Variants in HCN1 observed in about 807,000 individuals in gnomAD.
HCN1 encodes hyperpolarization activated cyclic nucleotide gated potassium channel 1.
In HCN1, 13 loss-of-function variants were observed where a neutral mutation model predicts 78.9. The ratio of observed to expected loss-of-function variants is 0.16; its 90% confidence interval spans 0.11 to 0.26. The LOEUF (loss-of-function observed/expected upper bound fraction) is 0.26, where lower values mean the gene tolerates loss of function less well. Among genes scored for constraint, HCN1 ranks in the 10% least tolerant of loss-of-function variants. HCN1 has a pLI of 1.00. For missense variants in HCN1, 810 were observed against 1,154.3 expected (o/e 0.70, Z 4.32); for synonymous variants, 552 against 455.5 (o/e 1.21, Z -2.70).
At chr5:45,693,575 A>G (rs1031145146) in intron 1 of HCN1, among the ~76,000 whole-genome samples, 14 of 152,260 alleles carry the variant, frequency 9.2e-5, no homozygotes, top group African/African-American at 3.1e-4. Flanking sequence ...CCTGATTTCA[A>G]TTTGTTCCTT....
Position 45,400,728 on chromosome 5 carries a change from A to T in HCN1, c.1012-4018T>A, listed in dbSNP as rs934767938. On this transcript the variant is annotated intron_variant, in intron 3 of 7. Coordinates refer to ENST00000303230, the MANE Select transcript of HCN1 (RefSeq NM_021072.4). ...AGCCTAAGAATGCTTTCTTATTTTT[A>T]AAATCATTAGCAACTTTTCTATTTT... is the stretch of plus-strand genomic sequence containing the variant. Among the ~76,000 whole-genome samples, 3 of 152,060 alleles carry T rather than the reference A, an allele frequency of 2.0e-5. No homozygotes were observed. In the East Asian group the frequency reaches 5.8e-4, roughly 29 times the overall value.
chr5:45,411,883 A>C (rs1361576142), intron 3 of HCN1, among the ~76,000 whole-genome samples: 1 of 152,090 alleles, frequency 6.6e-6, no homozygotes, highest in Non-Finnish European at 1.5e-5. Context: ...CAATTTTTGA[A>C]GGGAGCACAC....
chr5:45,646,668 A>G (rs1745556500), intron 1 of HCN1, among the ~76,000 whole-genome samples: 1 of 152,190 alleles, frequency 6.6e-6, no homozygotes, highest in Non-Finnish European at 1.5e-5. Context: ...TGGTTTATAT[A>G]GCTTAACTAA....
chr5:45,435,831 A>C (rs894236175), intron 3 of HCN1, among the ~76,000 whole-genome samples: 7 of 152,182 alleles, frequency 4.6e-5, no homozygotes, highest in Admixed American at 6.5e-5. Flanking sequence ...AAACACCACA[A>C]AATTAGTAAT....
At chr5:45,443,990 A>G (rs1193706146) in intron 3 of HCN1, among the ~76,000 whole-genome samples, 2 of 152,182 alleles carry the variant, frequency 1.3e-5, no homozygotes, top group African/African-American at 4.8e-5. Flanking sequence ...GCAGCTACAC[A>G]TAAGAAATGT....
intron 5 of HCN1, among the ~76,000 whole-genome samples, chr5:45,336,853 G>A (rs1265831955): frequency 6.6e-6 from 1 of 151,850 alleles, no homozygotes. Flanking sequence ...ATCACTCTGG[G>A]ACTTCTTTTA....
intron 5 of HCN1, among the ~76,000 whole-genome samples, chr5:45,340,443 C>A (rs1295649942): frequency 6.6e-6 from 1 of 152,046 alleles, no homozygotes; most frequent in Non-Finnish European, 1.5e-5. Context: ...ATATATGCTT[C>A]AATTTATCTT....
Position 45,353,090 on chromosome 5 carries a change from T to C in HCN1, c.1377+10A>G. The C allele has an allele frequency of 6.2e-7, 1 of 1,604,902 alleles. No individual in the cohort carries two copies. The highest frequency in any genetic ancestry group is 8.5e-7 in the Non-Finnish European group (1 of 1,173,330). ...TATGTATTATGCATACTGAGGACAA[T>C]AAATCTTACCTCTCTCAGAGGATCA... On this transcript the variant is annotated intron_variant, in intron 5 of 7. Coordinates refer to ENST00000303230, the MANE Select transcript of HCN1 (RefSeq NM_021072.4).
chr5:45,696,132 C>T lies in HCN1; in HGVS notation c.-39G>A, dbSNP rs1740008627. On this transcript the variant is annotated 5_prime_UTR_variant, in exon 1 of 8. Coordinates refer to ENST00000303230, the MANE Select transcript of HCN1 (RefSeq NM_021072.4). ...GGCCGGCGACGGCGCGGGCTCCAGACTCGCCGGCCGCCCGGCGCCGGAGAC... is the reference window on the plus strand; with the variant it reads ...GGCCGGCGACGGCGCGGGCTCCAGATTCGCCGGCCGCCCGGCGCCGGAGAC... The T allele has an allele frequency of 6.3e-6, 8 of 1,271,914 alleles. No individual in the cohort carries two copies. The highest frequency in any genetic ancestry group is 7.0e-6 in the Non-Finnish European group (7 of 995,814). 78.8% of individuals were successfully genotyped at this position (1,271,914 alleles called of 1,614,324 possible). A position where few individuals can be genotyped will look rare whatever the true frequency, so the allele number is the denominator to read the frequency against.
chr5:45,545,490 G>A (rs1311645780), intron 2 of HCN1, among the ~76,000 whole-genome samples: 10 of 152,052 alleles, frequency 6.6e-5, no homozygotes, highest in African/African-American at 9.7e-5. Flanking sequence ...TGTTGCCATT[G>A]CTTTTGGGGT....
chr5:45,350,977 T>A (rs1746887043), intron 5 of HCN1, among the ~76,000 whole-genome samples: 1 of 152,024 alleles, frequency 6.6e-6, no homozygotes, highest in South Asian at 2.1e-4. Context: ...TTCAATGCCA[T>A]CCCCATCAAG....
At chr5:45,484,180 C>T (rs1404797963) in intron 2 of HCN1, among the ~76,000 whole-genome samples, 3 of 152,112 alleles carry the variant, frequency 2.0e-5, no homozygotes, top group Non-Finnish European at 2.9e-5. Flanking sequence ...TGCCTGTAAT[C>T]CCATCACTTT....
intron 2 of HCN1, chr5:45,574,641 A>G (rs1743902611): frequency 6.6e-6 from 1 of 152,190 alleles, no homozygotes; most frequent in African/African-American, 2.4e-5. Flanking sequence ...GATTGAGCTT[A>G]GTGACAAAGG....
At chr5:45,655,901 G>GC in intron 1 of HCN1, among the ~76,000 whole-genome samples, 1 of 152,186 alleles carries the variant, frequency 6.6e-6, no homozygotes, top group East Asian at 1.9e-4. Context: ...CACTTGGGAA[G>GC]CAAGAGTCAA....
At chr5:45,679,697 C>A (rs1033807619) in intron 1 of HCN1, among the ~76,000 whole-genome samples, 1 of 151,998 alleles carries the variant, frequency 6.6e-6, no homozygotes, top group African/African-American at 2.4e-5. Flanking sequence ...AAAAATTGTA[C>A]TTTCAATACA....
chr5:45,338,056 C>T (rs1746500985), intron 5 of HCN1, among the ~76,000 whole-genome samples: 2 of 152,082 alleles, frequency 1.3e-5, no homozygotes, highest in South Asian at 4.1e-4. Context: ...TAGTTCTTAC[C>T]GCCATTTTAC....
intron 2 of HCN1, among the ~76,000 whole-genome samples, chr5:45,598,507 G>A (rs965838080): frequency 1.3e-5 from 2 of 152,076 alleles, no homozygotes; most frequent in African/African-American, 4.8e-5. Flanking sequence ...ATACGCATGG[G>A]CAAAGACTTC....
At chr5:45,491,245 C>G (rs934101881) in intron 2 of HCN1, among the ~76,000 whole-genome samples, 1 of 152,008 alleles carries the variant, frequency 6.6e-6, no homozygotes, top group Non-Finnish European at 1.5e-5. Context: ...TTATTCCCAG[C>G]AACATATACA....
chr5:45,549,024 A>G (rs1328854316), intron 2 of HCN1, among the ~76,000 whole-genome samples: 5 of 151,598 alleles, frequency 3.3e-5, no homozygotes, highest in Non-Finnish European at 2.9e-5. Context: ...AGAACATTCC[A>G]TGCTCATGGG....
Sources: gnomAD v4.1 joint callset for allele counts (sites outside exome capture counted in the v4.1 genomes callset) on GRCh38, gnomAD v4.1.1 for gene constraint, MANE v1.5 for transcripts, NCBI Gene and HGNC (gene_info 2026-07-23, HGNC 2026-07-21) for gene names.